PLCG2: variants seen among roughly 807,000 people sequenced by gnomAD.
PLCG2 encodes 1-phosphatidylinositol 4,5-bisphosphate phosphodiesterase gamma-2.
PLCG2 carries 69 observed loss-of-function variants against 175.6 expected under a neutral mutation model. That is an observed-to-expected ratio of 0.39 (90% CI 0.32 to 0.48). The LOEUF (loss-of-function observed/expected upper bound fraction) is 0.48, where lower values mean the gene tolerates loss of function less well. Among genes scored for constraint, PLCG2 ranks in the 20% least tolerant of loss-of-function variants. The pLI is 0.91. For synonymous variants in PLCG2, 827 were observed against 624.0 expected, an observed-to-expected ratio of 1.33 and a Z score of -4.85; for missense variants, 1,798 against 1,650.9, an observed-to-expected ratio of 1.09 and a Z score of -1.54.
At chr16:81,814,416 A>G (rs1384134947) in intron 2 of PLCG2, among the ~76,000 whole-genome samples, 2 of 151,970 alleles carry the variant, frequency 1.3e-5, no homozygotes, top group Non-Finnish European at 2.9e-5. Flanking sequence ...ATGGGGACTG[A>G]GTGCAGTGGC....
chr16:81,789,703 A>T (rs1911140151), intron 2 of PLCG2, among the ~76,000 whole-genome samples: 1 of 152,106 alleles, frequency 6.6e-6, no homozygotes, highest in Non-Finnish European at 1.5e-5. Flanking sequence ...TATTATAATA[A>T]GTCCCCCGGA....
chr16:81,771,028 AG>A (rs2143109439), intron 2 of PLCG2, among the ~76,000 whole-genome samples: 1 of 149,860 alleles, frequency 6.7e-6, no homozygotes, highest in East Asian at 2.0e-4. Context: ...CCTGCACTCC[AG>A]CCTTGGTGAC....
At chr16:81,867,376 C>T (rs1907294470) in intron 5 of PLCG2, among the ~76,000 whole-genome samples, 2 of 152,212 alleles carry the variant, frequency 1.3e-5, no homozygotes, top group Non-Finnish European at 2.9e-5. Flanking sequence ...ACTAATTTCA[C>T]TTCTCCTTCT....
At chr16:81,773,224 G>T (rs1910322354) in intron 2 of PLCG2, among the ~76,000 whole-genome samples, 1 of 152,176 alleles carries the variant, frequency 6.6e-6, no homozygotes, top group African/African-American at 2.4e-5. Flanking sequence ...AGGTCTGGTT[G>T]CCAGGAGTGG....
At chr16:81,932,998 A>G (rs1910567146) in intron 25 of PLCG2, among the ~76,000 whole-genome samples, 1 of 152,182 alleles carries the variant, frequency 6.6e-6, no homozygotes, top group Admixed American at 6.5e-5. Context: ...ATCTCCAAAT[A>G]GTGCACTCCA....
intron 10 of PLCG2, 173 bp downstream of exon 10, chr16:81,889,446 G>C (rs1415771215): frequency 1.8e-6 from 1 of 548,942 alleles, no homozygotes; most frequent in Non-Finnish European, 3.3e-6. Flanking sequence ...TTTCTCCCAG[G>C]TTCTAGATTA....
At chr16:81,803,992 A>G (rs1485888273) in intron 2 of PLCG2, among the ~76,000 whole-genome samples, 3 of 152,260 alleles carry the variant, frequency 2.0e-5, no homozygotes, top group Non-Finnish European at 4.4e-5. Flanking sequence ...CTTTTTGGTT[A>G]TTGTGAATAA....
Position 81,958,109 on chromosome 16 carries a change from T to C in PLCG2, c.*111T>C, listed in dbSNP as rs1033711920. 7 of 770,340 alleles carry C rather than the reference T, an allele frequency of 9.1e-6. No homozygotes were observed. The highest frequency in any genetic ancestry group is 1.4e-5 in the Non-Finnish European group (6 of 434,074). 47.7% of individuals were successfully genotyped at this position (770,340 alleles called of 1,614,324 possible). A position where few individuals can be genotyped will look rare whatever the true frequency, so the allele number is the denominator to read the frequency against. On this transcript the variant is annotated 3_prime_UTR_variant, in exon 33 of 33. Coordinates refer to ENST00000564138, the MANE Select transcript of PLCG2 (RefSeq NM_002661.5). ...AGACGCTAATCTGTGACATCTTTTC[T>C]TCAAGCCTGCCATCAAGGACATTTC... is the stretch of plus-strand genomic sequence containing the variant.
intron 1 of PLCG2, among the ~76,000 whole-genome samples, chr16:81,751,362 A>G (rs1166737177): frequency 1.3e-5 from 2 of 152,228 alleles, no homozygotes; most frequent in African/African-American, 4.8e-5. Flanking sequence ...GCTAAGTGAA[A>G]TAAGCCAGGC....
At position 81,753,436 on chromosome 16, in the gene PLCG2, T is replaced by G. The variant is rs550185608; in HGVS notation, c.-144-2434T>G. On this transcript the variant is annotated intron_variant, in intron 1 of 5. Transcript: ENST00000565054. ...CATTTAATTTAATTTTTTTTTTTTTTGAGATGGAGTCTCACTCTGTTGCCC... is the reference window on the plus strand; with the variant it reads ...CATTTAATTTAATTTTTTTTTTTTTGGAGATGGAGTCTCACTCTGTTGCCC... 7.5e-3 allele frequency among the ~76,000 whole-genome samples: 1,137 copies of G among 151,200 alleles called. 6 individuals are homozygous for G. The highest frequency in any genetic ancestry group is 0.021 in the Middle Eastern group (6 of 292).
At chr16:81,928,384 A>G (rs1424116776) in intron 23 of PLCG2, among the ~76,000 whole-genome samples, 174 bp from the exon 24 acceptor site, 4 of 152,088 alleles carry the variant, frequency 2.6e-5, no homozygotes, top group Non-Finnish European at 4.4e-5. Flanking sequence ...CCAGGTCCCT[A>G]TCAGCTCCAT....
intron 12 of PLCG2, among the ~76,000 whole-genome samples, chr16:81,894,854 C>T (rs181949687): frequency 0.011 from 1,603 of 152,032 alleles, 33 homozygotes; most frequent in African/African-American, 0.036. Flanking sequence ...GCCTGGGCAA[C>T]AGAGGGAGAC....
chr16:81,862,893 C>G (rs950155468), intron 5 of PLCG2, among the ~76,000 whole-genome samples: 2 of 152,018 alleles, frequency 1.3e-5, no homozygotes, highest in African/African-American at 4.8e-5. Flanking sequence ...CAAAACAAAA[C>G]AAAACCAAAA....
chr16:81,918,959 A>C (rs1212141456), intron 19 of PLCG2, among the ~76,000 whole-genome samples: 1 of 152,032 alleles, frequency 6.6e-6, no homozygotes, highest in African/African-American at 2.4e-5. Flanking sequence ...AAGATTTAAT[A>C]ATTTTGAGGT....
chr16:81,763,758 GGAGTTCGAGACCA>G (rs1910087681), intron 2 of PLCG2, among the ~76,000 whole-genome samples: 1 of 152,082 alleles, frequency 6.6e-6, no homozygotes, highest in Non-Finnish European at 1.5e-5. Flanking sequence ...CCTGAGGTCT[GGAGTTCGAGACCA>G]GCCTGGCCAA....
chr16:81,768,475 G>A (rs1184302412), intron 2 of PLCG2, among the ~76,000 whole-genome samples: 1 of 147,918 alleles, frequency 6.8e-6, no homozygotes, highest in Non-Finnish European at 1.5e-5. Flanking sequence ...CTGCCCAGCT[G>A]TTTTCCAACG....
upstream of PLCG2, among the ~76,000 whole-genome samples, chr16:81,778,027 AAAAAC>A (rs1350650525): frequency 3.5e-4 from 29 of 83,298 alleles, no homozygotes; most frequent in African/African-American, 5.4e-4. Flanking sequence ...AAAAAAAAAA[AAAAAC>A]AAAAAAAAAA....
chr16:81,832,400 C>CT (rs572849685), intron 2 of PLCG2, among the ~76,000 whole-genome samples: 114 of 152,246 alleles, frequency 7.5e-4, no homozygotes, highest in African/African-American at 2.7e-3. Flanking sequence ...CCCACCCTGC[C>CT]TTTTTTTGAG....
intron 1 of PLCG2, chr16:81,739,737 A>C (rs1292584940): frequency 6.6e-6 from 1 of 152,284 alleles, no homozygotes; most frequent in Non-Finnish European, 1.5e-5. Flanking sequence ...TGGGCAAGGT[A>C]CTTAAACACC....
Sources: allele counts gnomAD v4.1 joint callset (sites outside exome capture counted in the v4.1 genomes callset), GRCh38; gene constraint gnomAD v4.1.1; transcripts MANE v1.5; gene names NCBI Gene and HGNC (gene_info 2026-07-23, HGNC 2026-07-21).